RELB: variants seen among roughly 807,000 people sequenced by gnomAD.
RELB encodes RELB proto-oncogene, NF-kB subunit, also known as transcription factor RelB.
RELB carries 14 observed loss-of-function variants against 55.4 expected under a neutral mutation model. That is an observed-to-expected ratio of 0.25 (90% CI 0.17 to 0.40). The LOEUF is 0.40. RELB is among the 10% of genes least tolerant of loss of function. The probability of loss-of-function intolerance (pLI) is 1.00; values close to 1 mark genes in which losing one functional copy is unlikely to be tolerated. For missense variants in RELB, 669 were observed against 830.7 expected (o/e 0.81, Z 2.39); for synonymous variants, 409 against 371.3 (o/e 1.10, Z -1.17).
chr19:45,037,938 G>A lies in RELB; in HGVS notation c.*148G>A. On this transcript the variant is annotated 3_prime_UTR_variant, in exon 12 of 12. Coordinates refer to ENST00000221452, the MANE Select transcript of RELB (RefSeq NM_006509.4). Reference sequence around the variant, plus strand: ...TTCAGCCTTGGCGAGAAGCTCCGTTGCACGGGTTTCCCCTTGAGCCCATTT... The same window carrying A: ...TTCAGCCTTGGCGAGAAGCTCCGTTACACGGGTTTCCCCTTGAGCCCATTT... The A allele has an allele frequency of 1.3e-6, 1 of 762,964 alleles. No individual in the cohort carries two copies. Among genetic ancestry groups the A allele is most frequent in the South Asian group, 3.1e-5 (1 of 32,276 alleles). 47.3% of individuals were successfully genotyped at this position (762,964 alleles called of 1,614,324 possible).
chr19:45,028,609 C>T (rs972028835), intron 7 of RELB, among the ~76,000 whole-genome samples: 1 of 152,200 alleles, frequency 6.6e-6, no homozygotes. Flanking sequence ...GCTGGGATTA[C>T]AGGCGTGAGC....
At position 45,034,449 on chromosome 19, in the gene RELB, A is replaced by T. The variant is rs1317694313; in HGVS notation, c.1277-2A>T. ...GGGGTCCTCATCTCTGCCTTCCCTC[A>T]GACCCCCATGGCATCGAGAGCAAAC... On this transcript the variant is annotated splice_acceptor_variant, in intron 10 of 11. Coordinates refer to ENST00000221452, the MANE Select transcript of RELB (RefSeq NM_006509.4). LOFTEE classifies it high-confidence loss of function. The T allele has an allele frequency of 6.2e-7, 1 of 1,612,152 alleles. No individual in the cohort carries two copies. The highest frequency in any genetic ancestry group is 8.5e-7 in the Non-Finnish European group (1 of 1,179,192).
Position 45,002,954 on chromosome 19 carries a change from C to G in RELB, c.112C>G (p.Pro38Ala). The change falls in exon 2 of 12, where the codon CCC becomes GCC. Residue 38 changes from proline (P) to alanine (A), a missense_variant. Coordinates refer to ENST00000221452, the MANE Select transcript of RELB (RefSeq NM_006509.4). ...AAPELGALGS[P>A]DLSSLSLAVS... ...ACGTTTCTCCTTCTCTGCAGGGTCC[C>G]CCGACCTCTCCTCACTCTCGCTCGC... 6.2e-7 allele frequency: 1 copy of G among 1,613,454 alleles called. No individual in the cohort carries two copies. The highest frequency in any genetic ancestry group is 8.5e-7 in the Non-Finnish European group (1 of 1,179,706).
Position 45,034,439 on chromosome 19 carries a change from G to A in RELB, c.1277-12G>A. On this transcript the variant is annotated splice_polypyrimidine_tract_variant and intron_variant, in intron 10 of 11. Transcript: ENST00000221452. Reference sequence around the variant, plus strand: ...TCGGGGAACAGGGGTCCTCATCTCTGCCTTCCCTCAGACCCCCATGGCATC... The same window carrying A: ...TCGGGGAACAGGGGTCCTCATCTCTACCTTCCCTCAGACCCCCATGGCATC... 3 of 1,611,790 alleles carry A rather than the reference G, an allele frequency of 1.9e-6. No homozygotes were observed. Among genetic ancestry groups the A allele is most frequent in the Non-Finnish European group, 2.5e-6 (3 of 1,178,940 alleles).
intron 7 of RELB, among the ~76,000 whole-genome samples, chr19:45,027,097 G>A (rs1042197490): frequency 1.5e-4 from 23 of 151,890 alleles, no homozygotes; most frequent in Admixed American, 4.6e-4. Context: ...GCCGGGCGTC[G>A]TGGCGGGCGC....
chr19:45,021,947 C>T, intron 4 of RELB, 106 bp from the exon 5 acceptor site: 2 of 1,152,702 alleles, frequency 1.7e-6, no homozygotes, highest in East Asian at 2.7e-5. Flanking sequence ...CAACAGAGGA[C>T]CCTAGTGGGG....
rs35336204 is a variant in RELB, at chr19:45,012,129, G to C, written c.357G>C (p.Pro119=). 5.8e-6 allele frequency: 9 copies of C among 1,555,982 alleles called. No individual in the cohort carries two copies. Among genetic ancestry groups the C allele is most frequent in the Non-Finnish European group, 7.8e-6 (9 of 1,160,190 alleles). The change falls in exon 4 of 12, where the codon CCG becomes CCC. Residue 119 remains proline, a synonymous_variant. Transcript: ENST00000221452. The part of the protein sequence containing the change: ...CPLGRLVSPA[P]GPGPQPHLVI... The stretch of plus-strand genomic sequence containing the variant: ...TGGGCCGACTAGTGTCCCCAGCGCC[G>C]GGCCCGGGCCCGCAGCCGCACCTGG...
At position 45,032,516 on chromosome 19, in the gene RELB, TC is replaced by T. The variant is rs1417061695; in HGVS notation, c.992-13del. 2 of 1,597,920 alleles carry T rather than the reference TC, an allele frequency of 1.3e-6. No homozygotes were observed. Among genetic ancestry groups the T allele is most frequent in the South Asian group, 2.2e-5 (2 of 89,110 alleles). ...TCCAGATGTCCTGGCTTAGCTGATG[TC>T]CCCCGTTTCCTGCCAGAGGACATAT... On this transcript the variant is annotated splice_polypyrimidine_tract_variant and intron_variant, in intron 8 of 11. Coordinates refer to ENST00000221452, the MANE Select transcript of RELB (RefSeq NM_006509.4).
At chr19:45,026,539 G>A (rs553887842) in intron 7 of RELB, among the ~76,000 whole-genome samples, 233 of 131,048 alleles carry the variant, frequency 1.8e-3, no homozygotes, top group Non-Finnish European at 3.1e-3. Flanking sequence ...GAGGGACTCC[G>A]TCTCAAAAAA....
chr19:45,003,095 C>A, intron 2 of RELB, 99 bp downstream of exon 2: 2 of 1,174,866 alleles, frequency 1.7e-6, no homozygotes, highest in Non-Finnish European at 2.4e-6. Flanking sequence ...CGAGGTCCAC[C>A]TCAGCTTTCT....
intron 4 of RELB, among the ~76,000 whole-genome samples, chr19:45,016,059 C>T (rs565510490): frequency 6.6e-6 from 1 of 151,652 alleles, no homozygotes; most frequent in East Asian, 1.9e-4. Context: ...AGTGCAGTGG[C>T]ATGCAACCTC....
rs556586511 is a variant in RELB at position 45,028,772 on chromosome 19, A to G, written c.887-116A>G. On this transcript the variant is annotated intron_variant, in intron 7 of 11. Coordinates refer to ENST00000221452, the MANE Select transcript of RELB (RefSeq NM_006509.4). ...TGAGGATCAGATGCCCTGCCTTTTC[A>G]ATTCCCTACGTCTCCAGGGCCCCGG... The G allele has an allele frequency of 1.7e-4, 126 of 732,632 alleles. No individual in the cohort carries two copies. In the African/African-American group the frequency reaches 2.0e-3, roughly 12 times the overall value. 45.4% of individuals were successfully genotyped at this position (732,632 alleles called of 1,614,324 possible). A position where few individuals can be genotyped will look rare whatever the true frequency, so the allele number is the denominator to read the frequency against.
intron 3 of RELB, among the ~76,000 whole-genome samples, chr19:45,010,803 G>A (rs187270432): frequency 0.011 from 1,638 of 152,104 alleles, 20 homozygotes; most frequent in Non-Finnish European, 0.015. Context: ...TCAGCCTCCC[G>A]AGTAGCTGGG....
At chr19:45,019,289 C>A (rs1399654322) in intron 4 of RELB, among the ~76,000 whole-genome samples, 2 of 152,086 alleles carry the variant, frequency 1.3e-5, no homozygotes, top group Admixed American at 1.3e-4. Flanking sequence ...TCTTGAACTC[C>A]TGTGCTGAAG....
rs749371552 is a variant in RELB, at chr19:45,037,567, C to A, written c.1517C>A (p.Pro506His). 1.9e-6 allele frequency: 3 copies of A among 1,612,876 alleles called. No homozygotes were observed. The highest frequency in any genetic ancestry group is 2.5e-6 in the Non-Finnish European group (3 of 1,179,500). ...CTCTTCACCATGCTGGACCTGCTGCCCCCGGCACCGCCACACGCTAGCGCT... is the reference window on the plus strand; with the variant it reads ...CTCTTCACCATGCTGGACCTGCTGCACCCGGCACCGCCACACGCTAGCGCT... ...PTLFTMLDLL[P>H]PAPPHASAVV... Residue 506 changes from proline to histidine, a missense_variant, in exon 12 of 12, where the codon CCC (proline) becomes CAC (histidine). Transcript: ENST00000221452.
rs747808445 is a variant in RELB at position 45,022,223 on chromosome 19, T to C, written c.662+13T>C. The C allele has an allele frequency of 1.3e-4, 203 of 1,583,222 alleles. No homozygotes were observed. Among genetic ancestry groups the C allele is most frequent in the Non-Finnish European group, 1.5e-4 (175 of 1,167,624 alleles). On this transcript the variant is annotated intron_variant, in intron 5 of 11. Coordinates refer to ENST00000221452, the MANE Select transcript of RELB (RefSeq NM_006509.4). ...GCCCCCGGCACAGGTACCCACCCCC[T>C]GACCTCCGACCTCTCATCCTTGATC...
At chr19:45,028,825 G>A in intron 7 of RELB, 63 bp from the exon 8 acceptor site, 1 of 1,417,130 alleles carries the variant, frequency 7.1e-7, no homozygotes, top group Non-Finnish European at 9.7e-7. Flanking sequence ...TGCCCAGTAA[G>A]GCTTTGGTGA....
chr19:45,028,562 G>C (rs1349781412), intron 7 of RELB, among the ~76,000 whole-genome samples: 1 of 152,018 alleles, frequency 6.6e-6, no homozygotes. Context: ...TCAAACTCCT[G>C]ACCTCAAGTG....
chr19:45,022,798 C>G (rs1971506359), intron 5 of RELB, among the ~76,000 whole-genome samples: 1 of 152,160 alleles, frequency 6.6e-6, no homozygotes, highest in Non-Finnish European at 1.5e-5. Flanking sequence ...ATCCTCCCAG[C>G]TCGGCCTCCC....
Sources: gnomAD v4.1 joint callset for allele counts (sites outside exome capture counted in the v4.1 genomes callset) on GRCh38, gnomAD v4.1.1 for gene constraint, MANE v1.5 for transcripts, NCBI Gene and HGNC (gene_info 2026-07-23, HGNC 2026-07-21) for gene names.